Variants in ASAP1 observed in about 807,000 individuals in gnomAD.
The protein encoded by ASAP1 is ArfGAP with SH3 domain, ankyrin repeat and PH domain 1, also known as arf-GAP with SH3 domain, ANK repeat and PH domain-containing protein 1.
ASAP1 carries 43 observed loss-of-function variants against 145.2 expected under a neutral mutation model. The ratio of observed to expected loss-of-function variants is 0.30; its 90% CI spans 0.23 to 0.38. The LOEUF is 0.38. Among genes scored for constraint, ASAP1 ranks in the 10% least tolerant of loss-of-function variants. The pLI is 1.00. For missense variants in ASAP1, 1,018 were observed against 1,355.3 expected, an observed-to-expected ratio of 0.75 and a Z score of 3.91; for synonymous variants, 546 against 515.5, an observed-to-expected ratio of 1.06 and a Z score of -0.80.
intron 24 of ASAP1, among the ~76,000 whole-genome samples, chr8:130,107,352 T>A (rs2097538694): frequency 6.6e-6 from 1 of 150,622 alleles, no homozygotes; most frequent in South Asian, 2.1e-4. Context: ...CCGGCTAATT[T>A]TTGTTTGTAT....
intron 2 of ASAP1, among the ~76,000 whole-genome samples, chr8:130,395,962 G>A (rs1219822953): frequency 1.3e-5 from 2 of 152,088 alleles, no homozygotes; most frequent in Non-Finnish European, 2.9e-5. Context: ...CACCGCGCCT[G>A]GCCATATTTC....
intron 2 of ASAP1, among the ~76,000 whole-genome samples, chr8:130,390,395 C>T (rs1828222877): frequency 6.6e-6 from 1 of 152,182 alleles, no homozygotes; most frequent in Non-Finnish European, 1.5e-5. Flanking sequence ...TCTCAGACTG[C>T]CTGAATGATG....
intron 28 of ASAP1, among the ~76,000 whole-genome samples, chr8:130,058,323 G>C (rs768872891): frequency 2.6e-5 from 4 of 152,178 alleles, no homozygotes; most frequent in South Asian, 2.1e-4. Context: ...GCATCATCAA[G>C]TTATTTTCAC....
chr8:130,153,145 G>C (rs1354284488), intron 12 of ASAP1, among the ~76,000 whole-genome samples: 2 of 150,576 alleles, frequency 1.3e-5, no homozygotes, highest in Non-Finnish European at 3.0e-5. Flanking sequence ...TCAGCCTCCC[G>C]AGCAGCTGGG....
intron 4 of ASAP1, among the ~76,000 whole-genome samples, chr8:130,230,065 AAAAC>A (rs3997633): frequency 0.33 from 49,296 of 150,012 alleles, 8,143 homozygotes; most frequent in Non-Finnish European, 0.35. Context: ...TCCTGTCTCC[AAAAC>A]AAACAAACAA....
chr8:130,303,144 T>C (rs1282358094), intron 3 of ASAP1, among the ~76,000 whole-genome samples: 1 of 152,188 alleles, frequency 6.6e-6, no homozygotes, highest in Non-Finnish European at 1.5e-5. Context: ...CTTTGGCCAT[T>C]TACTAGCAGA....
At chr8:130,143,563 T>A (rs75476026) in intron 13 of ASAP1, among the ~76,000 whole-genome samples, 3,105 of 152,294 alleles carry the variant, frequency 0.02, 49 homozygotes, top group East Asian at 0.064. Context: ...AAGTTTTTGA[T>A]TTTTGAAAAT....
intron 3 of ASAP1, among the ~76,000 whole-genome samples, chr8:130,323,362 T>C (rs1824131535): frequency 6.6e-6 from 1 of 152,208 alleles, no homozygotes; most frequent in African/African-American, 2.4e-5. Flanking sequence ...ATACTTTCTT[T>C]AGCCACTTTT....
intron 13 of ASAP1, among the ~76,000 whole-genome samples, chr8:130,141,604 C>T (rs1467025365): frequency 6.6e-6 from 1 of 152,210 alleles, no homozygotes; most frequent in Non-Finnish European, 1.5e-5. Flanking sequence ...ACATCGGGTA[C>T]TAGCAAGATC....
chr8:130,084,656 T>A (rs560314991), intron 25 of ASAP1: 2 of 152,200 alleles, frequency 1.3e-5, no homozygotes, highest in Non-Finnish European at 2.9e-5. Flanking sequence ...CAAATCTCAC[T>A]TCTGCAGTTC....
chr8:130,258,388 T>G (rs1015162196), intron 3 of ASAP1, among the ~76,000 whole-genome samples: 1 of 152,230 alleles, frequency 6.6e-6, no homozygotes, highest in African/African-American at 2.4e-5. Context: ...AGAAGTTAAA[T>G]GTACACTCTA....
chr8:130,219,736 T>C (rs993700460), intron 4 of ASAP1, among the ~76,000 whole-genome samples: 1 of 152,198 alleles, frequency 6.6e-6, no homozygotes, highest in Non-Finnish European at 1.5e-5. Context: ...TCTTTCCCAA[T>C]ATTCCTAAGA....
At chr8:130,153,556 C>G (rs1460420610) in intron 12 of ASAP1, among the ~76,000 whole-genome samples, 1 of 150,924 alleles carries the variant, frequency 6.6e-6, no homozygotes, top group Non-Finnish European at 1.5e-5. Flanking sequence ...TTTTTGTAGA[C>G]AAGGTTTTGC....
chr8:130,228,243 C>T (rs1164822733), intron 4 of ASAP1, among the ~76,000 whole-genome samples: 4 of 152,142 alleles, frequency 2.6e-5, no homozygotes, highest in African/African-American at 9.7e-5. Flanking sequence ...TAGCTCCTCA[C>T]TGTACAGGTG....
chr8:130,375,758 C>T (rs952378101), intron 2 of ASAP1, among the ~76,000 whole-genome samples: 1 of 152,128 alleles, frequency 6.6e-6, no homozygotes, highest in East Asian at 1.9e-4. Context: ...CTGTGAGTGG[C>T]ATAAGATGTT....
intron 27 of ASAP1, among the ~76,000 whole-genome samples, chr8:130,066,041 T>C (rs72722303): frequency 0.057 from 8,642 of 152,250 alleles, 329 homozygotes; most frequent in Middle Eastern, 0.082. Flanking sequence ...TAAAGCTTAT[T>C]TACATGAGGA....
intron 2 of ASAP1, among the ~76,000 whole-genome samples, chr8:130,396,461 A>G (rs375769341): frequency 1.3e-5 from 2 of 152,372 alleles, no homozygotes; most frequent in African/African-American, 4.8e-5. Flanking sequence ...TCCTTTATGT[A>G]TTTAACTGAA....
chr8:130,364,315 A>G (rs760869647), intron 2 of ASAP1, among the ~76,000 whole-genome samples: 2 of 152,264 alleles, frequency 1.3e-5, no homozygotes, highest in Non-Finnish European at 2.9e-5. Context: ...GTCCTATGAA[A>G]GAATAATTGT....
intron 3 of ASAP1, among the ~76,000 whole-genome samples, chr8:130,316,910 G>T (rs2137606960): frequency 6.6e-6 from 1 of 152,290 alleles, no homozygotes; most frequent in South Asian, 2.1e-4. Context: ...ACAAAATGCG[G>T]TGCAGGCTCT....
Sources: gnomAD v4.1 joint callset for allele counts (sites outside exome capture counted in the v4.1 genomes callset) on GRCh38, gnomAD v4.1.1 for gene constraint, MANE v1.5 for transcripts, NCBI Gene and HGNC (gene_info 2026-07-23, HGNC 2026-07-21) for gene names.